Variants in GRIK1 observed in about 807,000 individuals in gnomAD.
GRIK1 encodes the protein glutamate ionotropic receptor kainate type subunit 1, also known as glutamate receptor ionotropic, kainate 1.
GRIK1 carries 69 observed loss-of-function variants against 105.7 expected under a neutral mutation model. The ratio of observed to expected loss-of-function variants is 0.65; its 90% confidence interval spans 0.54 to 0.80. The LOEUF (loss-of-function observed/expected upper bound fraction) is 0.80, where lower values mean the gene tolerates loss of function less well. Ranked by LOEUF, GRIK1 falls within the 30% of genes least tolerant of loss-of-function variation. The probability of loss-of-function intolerance (pLI) is 0.00; values close to 1 mark genes in which losing one functional copy is unlikely to be tolerated. For missense variants in GRIK1, 1,109 were observed against 1,167.3 expected (o/e 0.95, Z 0.73); for synonymous variants, 438 against 431.3 (o/e 1.02, Z -0.19).
At chr21:29,785,144 C>T (rs2066224466) in intron 1 of GRIK1, among the ~76,000 whole-genome samples, 1 of 152,096 alleles carries the variant, frequency 6.6e-6, no homozygotes. Flanking sequence ...AAAAAGCTTT[C>T]CTCACAAAAA....
chr21:29,761,407 T>C (rs1221355808), intron 1 of GRIK1: 1 of 152,214 alleles, frequency 6.6e-6, no homozygotes, highest in African/African-American at 2.4e-5. Context: ...AAAATACCCT[T>C]GCTCTCTTTG....
chr21:29,825,835 G>A (rs759069183), intron 1 of GRIK1, among the ~76,000 whole-genome samples: 32 of 152,018 alleles, frequency 2.1e-4, no homozygotes, highest in Middle Eastern at 3.2e-3. Context: ...TCTGGATCAC[G>A]ATGATTGTTT....
At chr21:29,827,832 G>A (rs575325848) in intron 1 of GRIK1, among the ~76,000 whole-genome samples, 43 of 152,122 alleles carry the variant, frequency 2.8e-4, no homozygotes, top group Admixed American at 2.2e-3. Flanking sequence ...CTCAATTTGG[G>A]CTAGGTTCTG....
chr21:29,642,996 T>G, intron 6 of GRIK1, 27 bp from the exon 7 acceptor site: 4 of 1,606,298 alleles, frequency 2.5e-6, no homozygotes, highest in Non-Finnish European at 3.4e-6. Flanking sequence ...ACACCGCATC[T>G]TAAATTCCAC....
intron 1 of GRIK1, among the ~76,000 whole-genome samples, chr21:29,882,388 T>C (rs1334430989): frequency 1.3e-5 from 2 of 152,116 alleles, no homozygotes; most frequent in African/African-American, 2.4e-5. Flanking sequence ...TTCCTTCTGG[T>C]TTATTCCCTT....
intron 4 of GRIK1, among the ~76,000 whole-genome samples, chr21:29,658,115 CAATT>C (rs1169372034): frequency 2.0e-5 from 3 of 151,896 alleles, no homozygotes. Context: ...TTAATTGTCA[CAATT>C]AATTTTTTTT....
chr21:29,789,156 A>G (rs2066343275), intron 1 of GRIK1, among the ~76,000 whole-genome samples: 1 of 152,248 alleles, frequency 6.6e-6, no homozygotes, highest in African/African-American at 2.4e-5. Flanking sequence ...GTCTTATTAG[A>G]AATGGCTTAC....
chr21:29,838,371 A>G (rs1389046243), intron 1 of GRIK1, among the ~76,000 whole-genome samples: 1 of 152,230 alleles, frequency 6.6e-6, no homozygotes, highest in Non-Finnish European at 1.5e-5. Flanking sequence ...ACAGAAAAAA[A>G]AAAGATTCCT....
At chr21:29,656,354 CAA>C (rs3054331) in intron 4 of GRIK1, among the ~76,000 whole-genome samples, 248 of 50,860 alleles carry the variant, frequency 4.9e-3, no homozygotes, top group South Asian at 9.2e-3. Flanking sequence ...GAGCGAGACT[CAA>C]AAAAAAAAAA....
intron 1 of GRIK1, among the ~76,000 whole-genome samples, chr21:29,789,540 T>C (rs2145813919): frequency 6.6e-6 from 1 of 152,340 alleles, no homozygotes; most frequent in East Asian, 1.9e-4. Context: ...GTTGGCTTAC[T>C]CCTTTCTGTA....
At chr21:29,694,950 C>G (rs2063665864) in intron 1 of GRIK1, among the ~76,000 whole-genome samples, 1 of 152,150 alleles carries the variant, frequency 6.6e-6, no homozygotes, top group Admixed American at 6.5e-5. Context: ...ATTCAAAGAA[C>G]TGGTTTTTTT....
At chr21:29,735,874 C>T (rs762207688) in intron 1 of GRIK1, among the ~76,000 whole-genome samples, 8 of 146,194 alleles carry the variant, frequency 5.5e-5, no homozygotes, top group Non-Finnish European at 1.2e-4. Flanking sequence ...AAATTGAAAA[C>T]ATATTTGAAG....
chr21:29,624,273 AC>A (rs775924423), intron 7 of GRIK1, among the ~76,000 whole-genome samples: 16 of 152,132 alleles, frequency 1.1e-4, no homozygotes, highest in Non-Finnish European at 2.1e-4. Context: ...CTTGATTAGA[AC>A]CTTTTTTGGG....
intron 4 of GRIK1, among the ~76,000 whole-genome samples, chr21:29,668,556 TG>T (rs1347989852): frequency 3.3e-5 from 5 of 152,140 alleles, no homozygotes; most frequent in Non-Finnish European, 7.4e-5. Flanking sequence ...GCGGCCTTGG[TG>T]TTTTCTATTT....
At chr21:29,915,560 T>A (rs552745337) in intron 1 of GRIK1, among the ~76,000 whole-genome samples, 2 of 152,046 alleles carry the variant, frequency 1.3e-5, no homozygotes, top group Non-Finnish European at 2.9e-5. Flanking sequence ...GATTTCAGGA[T>A]GGCTGGTTTG....
chr21:29,555,890 A>G (rs1212130316), intron 15 of GRIK1, among the ~76,000 whole-genome samples: 3 of 152,196 alleles, frequency 2.0e-5, no homozygotes, highest in African/African-American at 7.2e-5. Context: ...CTTTTTCTCA[A>G]GGAGGTAAAC....
intron 13 of GRIK1, among the ~76,000 whole-genome samples, chr21:29,580,571 C>T (rs575523522): frequency 3.3e-5 from 5 of 152,198 alleles, no homozygotes; most frequent in Non-Finnish European, 4.4e-5. Context: ...TTAGGGTTCA[C>T]CCCCAAGTAG....
chr21:29,665,332 C>G (rs1409750828), intron 4 of GRIK1, among the ~76,000 whole-genome samples: 1 of 152,274 alleles, frequency 6.6e-6, no homozygotes, highest in African/African-American at 2.4e-5. Flanking sequence ...CTAAAACTAA[C>G]TATGTGTTCA....
At chr21:29,713,044 G>A (rs1187831575) in intron 1 of GRIK1, among the ~76,000 whole-genome samples, 2 of 151,990 alleles carry the variant, frequency 1.3e-5, no homozygotes, top group Non-Finnish European at 2.9e-5. Flanking sequence ...TTTTGTATGA[G>A]GACCAGCAGT....
Sources: gnomAD v4.1 joint callset for allele counts (sites outside exome capture counted in the v4.1 genomes callset) on GRCh38, gnomAD v4.1.1 for gene constraint, MANE v1.5 for transcripts, NCBI Gene and HGNC (gene_info 2026-07-23, HGNC 2026-07-21) for gene names.